KLRD1: variants seen among roughly 807,000 people sequenced by gnomAD.
KLRD1 encodes killer cell lectin like receptor D1.
KLRD1 carries 21 observed loss-of-function variants against 22.6 expected under a neutral mutation model. The observed-to-expected ratio is 0.93, with a 90% CI of 0.66 to 1.34. The LOEUF (loss-of-function observed/expected upper bound fraction) is 1.34. Ranked by LOEUF, KLRD1 falls within the 40% of genes most tolerant of loss-of-function variation. The pLI, the probability that KLRD1 is intolerant of heterozygous loss-of-function variation, is 0.00. For missense variants in KLRD1, 183 were observed against 208.6 expected, an observed-to-expected ratio of 0.88 and a Z score of 0.76; for synonymous variants, 59 against 71.1, an observed-to-expected ratio of 0.83 and a Z score of 0.85.
upstream of KLRD1, among the ~76,000 whole-genome samples, chr12:10,305,032 T>A (rs1395747910): frequency 6.6e-6 from 1 of 152,234 alleles, no homozygotes; most frequent in African/African-American, 2.4e-5. Flanking sequence ...CTAGAACGTA[T>A]ACTGTTATTT....
chr12:10,266,154 T>A (rs17808261), intron 1 of KLRD1, among the ~76,000 whole-genome samples: 24,930 of 152,226 alleles, frequency 0.16, 2,645 homozygotes, highest in Non-Finnish European at 0.24. Context: ...GATTATTGCA[T>A]GTCTTTCTGA....
chr12:10,252,740 C>T (rs928515517), intron 1 of KLRD1, among the ~76,000 whole-genome samples: 2 of 152,068 alleles, frequency 1.3e-5, no homozygotes, highest in African/African-American at 4.8e-5. Context: ...AGAGGAATAA[C>T]TTTCAGAGGA....
chr12:10,321,046 G>T lies in KLRD1; in HGVS notation c.*6253G>T, dbSNP rs1019834261. The T allele has an allele frequency of 2.6e-5, 4 of 152,202 alleles. No individual in the cohort carries two copies. The highest frequency in any genetic ancestry group is 1.9e-4 in the East Asian group (1 of 5,200). 9.4% of individuals were successfully genotyped at this position (152,202 alleles called of 1,614,324 possible). On this transcript the variant is annotated 3_prime_UTR_variant, in exon 6 of 6. Coordinates refer to ENST00000336164, the MANE Select transcript of KLRD1 (RefSeq NM_002262.5). ...AAAAGTAAGAATAATTCAAAGGACA[G>T]AACTAAGAGCCTGTAAGGTGGATCC...
rs1282414919 is a variant in KLRD1 at position 10,324,270 on chromosome 12, A to G, written c.*9477A>G. On this transcript the variant is annotated 3_prime_UTR_variant, in exon 6 of 6. Transcript: ENST00000336164. ...GGCTTTCGTTTTAGGTTCAGGGTAT[A>G]TATGTAGGCTTCTTATATGAGTACA... The G allele has an allele frequency of 6.6e-6, 1 of 152,166 alleles. No homozygotes were observed. Among genetic ancestry groups the G allele is most frequent in the Non-Finnish European group, 1.5e-5 (1 of 68,048 alleles). 9.4% of individuals were successfully genotyped at this position (152,166 alleles called of 1,614,324 possible). A position where few individuals can be genotyped will look rare whatever the true frequency, so the allele number is the denominator to read the frequency against.
At chr12:10,254,103 G>C (rs935572152) in intron 1 of KLRD1, among the ~76,000 whole-genome samples, 1 of 152,076 alleles carries the variant, frequency 6.6e-6, no homozygotes, top group Non-Finnish European at 1.5e-5. Context: ...GGGATCTAAT[G>C]AAACTTAAGA....
chr12:10,265,224 A>G (rs1385722231), intron 1 of KLRD1, among the ~76,000 whole-genome samples: 1 of 147,584 alleles, frequency 6.8e-6, no homozygotes, highest in East Asian at 1.9e-4. Flanking sequence ...TTATTTTATC[A>G]TATTATATAT....
chr12:10,302,330 A>G (rs1379036504), upstream of KLRD1, among the ~76,000 whole-genome samples: 17 of 152,190 alleles, frequency 1.1e-4, no homozygotes, highest in Admixed American at 1.1e-3. Flanking sequence ...TGTTTTCAAG[A>G]CATTTACTCA....
At chr12:10,250,590 T>C (rs1949337777) in intron 1 of KLRD1, among the ~76,000 whole-genome samples, 1 of 152,038 alleles carries the variant, frequency 6.6e-6, no homozygotes. Context: ...CCAGAGCAGC[T>C]GGGACTACAG....
At chr12:10,296,929 T>C (rs1949827502) in intron 1 of KLRD1, among the ~76,000 whole-genome samples, 1 of 152,244 alleles carries the variant, frequency 6.6e-6, no homozygotes, top group African/African-American at 2.4e-5. Context: ...TGTGGGAAGA[T>C]GGCTCTGCTT....
intron 1 of KLRD1, among the ~76,000 whole-genome samples, chr12:10,244,867 G>A (rs1949276761): frequency 6.6e-6 from 1 of 151,662 alleles, no homozygotes; most frequent in Non-Finnish European, 1.5e-5. Flanking sequence ...TCTTCCTGTA[G>A]AGTGGTAATG....
intron 1 of KLRD1, among the ~76,000 whole-genome samples, chr12:10,246,335 A>G (rs914304864): frequency 6.6e-6 from 1 of 151,732 alleles, no homozygotes; most frequent in African/African-American, 2.4e-5. Flanking sequence ...TATTAAAATT[A>G]TGAATATATA....
chr12:10,273,978 G>T (rs941597199), intron 1 of KLRD1, among the ~76,000 whole-genome samples: 2 of 151,974 alleles, frequency 1.3e-5, no homozygotes, highest in African/African-American at 4.8e-5. Flanking sequence ...ATCACAATGG[G>T]TTCTTAAAAA....
rs528877628 is a variant in KLRD1, at chr12:10,253,361, A to G, written c.-101+27128A>G. Among the ~76,000 whole-genome samples the G allele has an allele frequency of 5.2e-4, 79 of 152,108 alleles. 2 individuals carry two copies. Among genetic ancestry groups the G allele is most frequent in the African/African-American group, 1.8e-3 (73 of 41,476 alleles). The stretch of plus-strand genomic sequence containing the variant: ...CTCTTTAATGTGTTTCATTTTGTTT[A>G]GTTTTCATTGCAATGTCTTCGGATT... On this transcript the variant is annotated intron_variant, in intron 1 of 5. Coordinates refer to the KLRD1 transcript ENST00000544747.
rs750696767 is a variant in KLRD1, at chr12:10,324,818, G to GTGTATATATATATATATATATA, written c.*10026_*10027insGTATATATATATATATATATAT. The GTGTATATATATATATATATATA allele has an allele frequency of 9.2e-3, 680 of 74,040 alleles. 18 individuals are homozygous for GTGTATATATATATATATATATA. The highest frequency in any genetic ancestry group is 0.059 in the East Asian group (102 of 1,716). 4.6% of individuals were successfully genotyped at this position (74,040 alleles called of 1,614,324 possible). A position where few individuals can be genotyped will look rare whatever the true frequency, so the allele number is the denominator to read the frequency against. On this transcript the variant is annotated 3_prime_UTR_variant, in exon 6 of 6. Coordinates refer to ENST00000336164, the MANE Select transcript of KLRD1 (RefSeq NM_002262.5). ...AGTATATATGTATATGTGTGTGTGTGTATATATATATATATATATATATAT... is the reference window on the plus strand; with the variant it reads ...AGTATATATGTATATGTGTGTGTGTGTGTATATATATATATATATATATATATATATATATATATATATATAT...
chr12:10,274,947 A>G (rs1010052509), intron 1 of KLRD1, among the ~76,000 whole-genome samples: 2 of 151,938 alleles, frequency 1.3e-5, no homozygotes, highest in Admixed American at 1.3e-4. Flanking sequence ...CTGGAGTGCA[A>G]TGGTGTGATC....
At chr12:10,257,946 T>C (rs1949415272) in intron 1 of KLRD1, among the ~76,000 whole-genome samples, 1 of 152,136 alleles carries the variant, frequency 6.6e-6, no homozygotes, top group African/African-American at 2.4e-5. Flanking sequence ...CTCAGGTCTT[T>C]TGGAGCATGA....
At chr12:10,309,585 A>G (rs1013949145) in intron 2 of KLRD1, 41 bp from the exon 3 acceptor site, 2 of 1,447,344 alleles carry the variant, frequency 1.4e-6, no homozygotes, top group Non-Finnish European at 1.9e-6. Context: ...TATTTCATAA[A>G]CCCATACCTA....
chr12:10,249,480 A>G (rs1193513397), intron 1 of KLRD1, among the ~76,000 whole-genome samples: 2 of 152,178 alleles, frequency 1.3e-5, no homozygotes, highest in African/African-American at 4.8e-5. Context: ...TAGGGAATTC[A>G]ACTGGACCAA....
At chr12:10,254,513 C>T (rs12831232) in intron 1 of KLRD1, among the ~76,000 whole-genome samples, 10,142 of 150,890 alleles carry the variant, frequency 0.067, 409 homozygotes, top group East Asian at 0.17. Flanking sequence ...AAACTATGCA[C>T]CTGACAAAGG....
Sources: gnomAD v4.1 joint callset for allele counts (sites outside exome capture counted in the v4.1 genomes callset) on GRCh38, gnomAD v4.1.1 for gene constraint, MANE v1.5 for transcripts, NCBI Gene and HGNC (gene_info 2026-07-23, HGNC 2026-07-21) for gene names.